Variants in THSD4 observed in about 807,000 individuals in gnomAD.
THSD4 encodes thrombospondin type-1 domain-containing protein 4.
A neutral mutation model predicts 119.0 loss-of-function variants in THSD4; 69 were observed. The observed-to-expected ratio is 0.58, with a 90% CI of 0.48 to 0.71. The LOEUF is 0.71. Among genes scored for constraint, THSD4 ranks in the 30% least tolerant of loss-of-function variants. The probability of loss-of-function intolerance (pLI) is 0.00; values close to 1 mark genes in which losing one functional copy is unlikely to be tolerated. For missense variants in THSD4, 1,393 were observed against 1,391.1 expected, an observed-to-expected ratio of 1.00 and a Z score of -0.02; for synonymous variants, 524 against 540.4, an observed-to-expected ratio of 0.97 and a Z score of 0.42.
chr15:71,736,143 CT>C (rs2053096832), intron 10 of THSD4, among the ~76,000 whole-genome samples: 1 of 130,462 alleles, frequency 7.7e-6, no homozygotes, highest in African/African-American at 2.7e-5. Context: ...CTTGCTCTCT[CT>C]CCGTCTCTCT....
chr15:71,306,784 A>T (rs114270372), intron 6 of THSD4, among the ~76,000 whole-genome samples: 167 of 152,332 alleles, frequency 1.1e-3, no homozygotes, highest in African/African-American at 3.7e-3. Flanking sequence ...CAACCCCAAA[A>T]CATAAAATTG....
intron 6 of THSD4, among the ~76,000 whole-genome samples, chr15:71,295,613 C>T (rs2044851972): frequency 6.6e-6 from 1 of 151,794 alleles, no homozygotes; most frequent in African/African-American, 2.4e-5. Context: ...CCTCATTGCA[C>T]AGTAAGTATA....
chr15:71,342,633 G>C (rs1273822049), intron 6 of THSD4: 1 of 152,348 alleles, frequency 6.6e-6, no homozygotes, highest in East Asian at 1.9e-4. Flanking sequence ...GGGACATTCC[G>C]TGGCTACAGC....
At chr15:71,220,903 C>T (rs1340573903) in intron 4 of THSD4, among the ~76,000 whole-genome samples, 1 of 152,108 alleles carries the variant, frequency 6.6e-6, no homozygotes, top group Non-Finnish European at 1.5e-5. Context: ...TGGCATTCTC[C>T]TGTGATTTAG....
intron 6 of THSD4, among the ~76,000 whole-genome samples, chr15:71,283,990 C>G (rs184121068): frequency 6.6e-6 from 1 of 152,218 alleles, no homozygotes; most frequent in East Asian, 1.9e-4. Context: ...GCCAGAATTT[C>G]ACATTTTAGT....
chr15:71,437,712 A>G (rs1484105522), intron 7 of THSD4, among the ~76,000 whole-genome samples: 1 of 152,132 alleles, frequency 6.6e-6, no homozygotes, highest in African/African-American at 2.4e-5. Flanking sequence ...TGTTTGCAAT[A>G]ACTGTTGGAT....
At chr15:71,487,373 G>A (rs1372856194) in intron 7 of THSD4, among the ~76,000 whole-genome samples, 1 of 152,184 alleles carries the variant, frequency 6.6e-6, no homozygotes, top group Non-Finnish European at 1.5e-5. Context: ...CTGCAGACTA[G>A]TTTTCAGCTC....
At chr15:71,284,468 A>AT (rs2044692678) in intron 6 of THSD4, among the ~76,000 whole-genome samples, 1 of 152,180 alleles carries the variant, frequency 6.6e-6, no homozygotes, top group African/African-American at 2.4e-5. Context: ...AGGCATAGGA[A>AT]TTACATATAG....
chr15:71,442,579 A>AAAAATATATATAT (rs1195413080), intron 7 of THSD4, among the ~76,000 whole-genome samples: 5 of 39,862 alleles, frequency 1.3e-4, no homozygotes, highest in Admixed American at 3.3e-4. Context: ...AAAAAAAAAA[A>AAAAATATATATAT]ATATATATAT....
At chr15:71,367,616 T>A (rs530137631) in intron 6 of THSD4, among the ~76,000 whole-genome samples, 1 of 152,344 alleles carries the variant, frequency 6.6e-6, no homozygotes, top group Non-Finnish European at 1.5e-5. Flanking sequence ...CATGAACTTA[T>A]CCTTTTTTGT....
chr15:71,491,469 A>G (rs968051574), intron 7 of THSD4, among the ~76,000 whole-genome samples: 2 of 152,220 alleles, frequency 1.3e-5, no homozygotes, highest in African/African-American at 2.4e-5. Flanking sequence ...CCCTCACCAC[A>G]TGATACCTTG....
At chr15:71,623,677 C>G (rs2050457643) in intron 7 of THSD4, among the ~76,000 whole-genome samples, 1 of 152,122 alleles carries the variant, frequency 6.6e-6, no homozygotes, top group African/African-American at 2.4e-5. Flanking sequence ...AATCCCAGCA[C>G]TTGAGAGGCC....
intron 7 of THSD4, among the ~76,000 whole-genome samples, chr15:71,587,272 G>A (rs979437375): frequency 1.6e-5 from 2 of 128,206 alleles, no homozygotes; most frequent in Non-Finnish European, 3.4e-5. Flanking sequence ...CCCATTACTC[G>A]GTATATACCC....
chr15:71,609,851 CAAAAAA>C (rs369430349), intron 7 of THSD4, among the ~76,000 whole-genome samples: 11 of 115,592 alleles, frequency 9.5e-5, no homozygotes, highest in African/African-American at 3.1e-4. Context: ...GACTCCGTCT[CAAAAAA>C]AAAAAAAAAA....
At chr15:71,668,522 T>C (rs1056791563) in intron 8 of THSD4, among the ~76,000 whole-genome samples, 43 of 152,208 alleles carry the variant, frequency 2.8e-4, no homozygotes, top group African/African-American at 1.0e-3. Context: ...AAAAAACCTG[T>C]CTGTGGAACA....
At chr15:71,751,535 C>T (rs1049373567) in intron 14 of THSD4, among the ~76,000 whole-genome samples, 1 of 152,194 alleles carries the variant, frequency 6.6e-6, no homozygotes, top group African/African-American at 2.4e-5. Context: ...TTGGTCACCT[C>T]TTTTCACTTA....
chr15:71,544,818 T>C (rs1014930414), intron 7 of THSD4, among the ~76,000 whole-genome samples: 2 of 152,236 alleles, frequency 1.3e-5, no homozygotes, highest in East Asian at 3.8e-4. Flanking sequence ...TGGATATTGC[T>C]TAACCTTAAA....
intron 3 of THSD4, among the ~76,000 whole-genome samples, chr15:71,207,617 G>A (rs2043855104): frequency 6.6e-6 from 1 of 152,234 alleles, no homozygotes; most frequent in Admixed American, 6.5e-5. Context: ...ACAGCAGGAG[G>A]TGAGCGGCGG....
At chr15:71,674,770 G>A (rs550628241) in intron 8 of THSD4, among the ~76,000 whole-genome samples, 1 of 152,252 alleles carries the variant, frequency 6.6e-6, no homozygotes, top group South Asian at 2.1e-4. Flanking sequence ...CAGAGAAGGG[G>A]GGAGGCGGGT....
Sources: allele counts gnomAD v4.1 joint callset (sites outside exome capture counted in the v4.1 genomes callset), GRCh38; gene constraint gnomAD v4.1.1; transcripts MANE v1.5; gene names NCBI Gene and HGNC (gene_info 2026-07-23, HGNC 2026-07-21).